Variants in SYNE2 observed in about 807,000 individuals in gnomAD.
SYNE2 encodes spectrin repeat containing nuclear envelope protein 2, also known as nesprin-2.
SYNE2 carries 431 observed loss-of-function variants against 856.3 expected under a neutral mutation model. The observed-to-expected ratio is 0.50, with a 90% CI of 0.47 to 0.55. The LOEUF (loss-of-function observed/expected upper bound fraction) is 0.55, where lower values mean the gene tolerates loss of function less well. SYNE2 is among the 20% of genes least tolerant of loss of function. The probability of loss-of-function intolerance (pLI) is 0.00; values close to 1 mark genes in which losing one functional copy is unlikely to be tolerated. For missense variants in SYNE2, 8,129 were observed against 8,023.2 expected (o/e 1.01, Z -0.50); for synonymous variants, 2,923 against 2,872.3 (o/e 1.02, Z -0.56).
At chr14:63,926,754 C>T (rs897770506) in intron 2 of SYNE2, among the ~76,000 whole-genome samples, 1 of 152,150 alleles carries the variant, frequency 6.6e-6, no homozygotes, top group African/African-American at 2.4e-5. Flanking sequence ...TAAGGGGGTC[C>T]CACACAAGTA....
intron 53 of SYNE2, chr14:64,075,494 T>C (rs1595347945): frequency 4.7e-6 from 1 of 212,704 alleles, no homozygotes; most frequent in East Asian, 1.3e-4. Context: ...ACACTTCTGC[T>C]CCAAGTGTGG....
intron 11 of SYNE2, among the ~76,000 whole-genome samples, chr14:63,976,245 C>G (rs2096541935): frequency 6.6e-6 from 1 of 152,194 alleles, no homozygotes; most frequent in African/African-American, 2.4e-5. Context: ...GTAGGTTAGT[C>G]TATCCTTGCT....
intron 1 of SYNE2, among the ~76,000 whole-genome samples, chr14:63,898,344 T>C (rs184530740): frequency 2.1e-4 from 32 of 152,328 alleles, no homozygotes; most frequent in African/African-American, 7.5e-4. Context: ...TTCTCACTTT[T>C]AGTTTAGTGT....
At chr14:64,092,874 G>A (rs1480157212) in intron 60 of SYNE2, among the ~76,000 whole-genome samples, 1 of 152,152 alleles carries the variant, frequency 6.6e-6, no homozygotes, top group African/African-American at 2.4e-5. Context: ...AGATGAGTCT[G>A]GACCGGGAAA....
At chr14:64,139,798 C>A in intron 79 of SYNE2, 143 bp from the exon 80 acceptor site, 2 of 839,636 alleles carry the variant, frequency 2.4e-6, no homozygotes, top group Non-Finnish European at 4.0e-6. Context: ...ATGATATAAT[C>A]CTTATTAACG....
At chr14:64,053,809 CAA>C in intron 48 of SYNE2, 152 bp downstream of exon 48, 2 of 604,584 alleles carry the variant, frequency 3.3e-6, no homozygotes, top group Non-Finnish European at 5.4e-6. Context: ...ACTAAAAATA[CAA>C]AAAAAAAATT....
At chr14:64,112,510 T>G (rs1300279702) in intron 65 of SYNE2, among the ~76,000 whole-genome samples, 1 of 152,230 alleles carries the variant, frequency 6.6e-6, no homozygotes, top group East Asian at 1.9e-4. Flanking sequence ...GCCTCCAGGT[T>G]GAACATATCT....
At position 64,002,180 on chromosome 14, in the gene SYNE2, T is replaced by A. The variant is rs1487972734; in HGVS notation, c.3786+99T>A. 4 of 1,037,446 alleles carry A rather than the reference T, an allele frequency of 3.9e-6. No individual in the cohort carries two copies. The South Asian group carries it at 4.0e-5, about 10-fold the overall frequency. 64.3% of individuals were successfully genotyped at this position (1,037,446 alleles called of 1,614,324 possible). ...TTTAATTATTCATGATAGCATAGAT[T>A]AAGAGTATAAGCCATGACAGTTTTT... On this transcript the variant is annotated intron_variant, in intron 29 of 115. Coordinates refer to ENST00000555002, the MANE Select transcript of SYNE2 (RefSeq NM_182914.3).
At chr14:63,776,570 A>G (rs1887113859) in intron 1 of SYNE2, among the ~76,000 whole-genome samples, 1 of 151,756 alleles carries the variant, frequency 6.6e-6, no homozygotes. Flanking sequence ...AAGATCACCC[A>G]AGACTGGGAA....
At chr14:64,003,521 C>T (rs775816899) in intron 30 of SYNE2, among the ~76,000 whole-genome samples, 191 bp downstream of exon 30, 1 of 152,184 alleles carries the variant, frequency 6.6e-6, no homozygotes, top group South Asian at 2.1e-4. Context: ...CTGTACAAAA[C>T]GTTGCATAAT....
intron 99 of SYNE2, among the ~76,000 whole-genome samples, chr14:64,192,430 C>G (rs1245364781): frequency 6.6e-6 from 1 of 152,074 alleles, no homozygotes; most frequent in Non-Finnish European, 1.5e-5. Context: ...GCTTGTATCA[C>G]TTTGGAGTTT....
rs1392927789 is a variant in SYNE2, at chr14:63,803,549, C to G, written c.-305+41563C>G. On this transcript the variant is annotated intron_variant, in intron 1 of 23. Coordinates refer to the SYNE2 transcript ENST00000674003. Reference sequence around the variant, plus strand: ...TGCCCGGGGCAGCAGGGCTGGCCGGCTGCTCCGAGTGCGGGGCCCGCCAAG... The same window carrying G: ...TGCCCGGGGCAGCAGGGCTGGCCGGGTGCTCCGAGTGCGGGGCCCGCCAAG... Among the ~76,000 whole-genome samples the G allele has an allele frequency of 2.0e-5, 3 of 152,254 alleles. No homozygotes were observed. In the East Asian group the frequency reaches 5.8e-4, roughly 29 times the overall value.
rs756137221 is a variant in SYNE2 at position 64,212,897 on chromosome 14, C to T, written c.18948C>T (p.Pro6316=). ...AGCAGCTGATTCAGAAGAGCGAGCC[C>T]CTGGATGCTGTGCTGATTGAGGATG... ...FGEQLIQKSE[P]LDAVLIEDEL... Residue 6316 remains proline (P), a synonymous_variant, in exon 105 of 116, where the codon CCC becomes CCT. Coordinates refer to ENST00000555002, the MANE Select transcript of SYNE2 (RefSeq NM_182914.3). The T allele has an allele frequency of 3.1e-6, 5 of 1,614,144 alleles. No individual in the cohort carries two copies. In the Admixed American group the frequency reaches 6.7e-5, roughly 22 times the overall value.
intron 6 of SYNE2, among the ~76,000 whole-genome samples, chr14:63,949,389 C>T (rs189871861): frequency 0.012 from 1,777 of 152,260 alleles, 16 homozygotes; most frequent in Non-Finnish European, 0.02. Flanking sequence ...TTCCTCTGGA[C>T]TTGTCTATCC....
chr14:64,172,379 T>C (rs1057035959), intron 94 of SYNE2, among the ~76,000 whole-genome samples: 9 of 152,104 alleles, frequency 5.9e-5, no homozygotes, highest in Admixed American at 5.2e-4. Flanking sequence ...ACATGACTGA[T>C]GCTTAGGCTG....
intron 99 of SYNE2, among the ~76,000 whole-genome samples, chr14:64,197,978 A>G (rs184991148): frequency 3.9e-5 from 6 of 152,354 alleles, no homozygotes; most frequent in Admixed American, 2.6e-4. Flanking sequence ...GTTTGGTTTC[A>G]TAGAAAACAT....
intron 1 of SYNE2, among the ~76,000 whole-genome samples, chr14:63,859,938 C>CCCTTCCTT (rs112228648): frequency 4.0e-5 from 5 of 124,844 alleles, no homozygotes; most frequent in Admixed American, 9.0e-5. Context: ...CTCCCTTCTC[C>CCCTTCCTT]CCTTCCTTCC....
rs2098655619 is a variant in SYNE2, at chr14:64,214,268, T to C, written c.19131T>C (p.Ser6377=). The C allele has an allele frequency of 6.2e-7, 1 of 1,613,852 alleles. No individual in the cohort carries two copies. The highest frequency in any genetic ancestry group is 1.3e-5 in the African/African-American group (1 of 74,860). ...MEDPREIQTD[S]WRKRGESEEP... The stretch of plus-strand genomic sequence containing the variant: ...ACCCCAGAGAAATCCAGACTGATTC[T>C]TGGCGTAAACGGGGAGAGAGCGAGG... The change falls in exon 106 of 116, where the codon TCT becomes TCC. Residue 6377 remains serine, a synonymous_variant. Transcript: ENST00000555002.
At chr14:63,807,627 T>C (rs1888412549) in intron 1 of SYNE2, among the ~76,000 whole-genome samples, 1 of 148,968 alleles carries the variant, frequency 6.7e-6, no homozygotes, top group Non-Finnish European at 1.5e-5. Context: ...TCTTAGAGAG[T>C]TGGTCTGCTC....
Sources: allele counts gnomAD v4.1 joint callset (sites outside exome capture counted in the v4.1 genomes callset), GRCh38; gene constraint gnomAD v4.1.1; transcripts MANE v1.5; gene names NCBI Gene and HGNC (gene_info 2026-07-23, HGNC 2026-07-21).